FAM20A: variants seen among roughly 807,000 people sequenced by gnomAD.
FAM20A encodes FAM20A golgi associated secretory pathway pseudokinase, also known as pseudokinase FAM20A.
A neutral mutation model predicts 52.0 loss-of-function variants in FAM20A; 42 were observed. The ratio of observed to expected loss-of-function variants is 0.81; its 90% CI spans 0.63 to 1.04. FAM20A has a LOEUF of 1.04. Ranked by LOEUF, FAM20A falls within the 50% of genes least tolerant of loss-of-function variation. The probability of loss-of-function intolerance (pLI) is 0.00; values close to 1 mark genes in which losing one functional copy is unlikely to be tolerated. For missense variants in FAM20A, 742 were observed against 712.7 expected, an observed-to-expected ratio of 1.04 and a Z score of -0.47; for synonymous variants, 304 against 298.9, an observed-to-expected ratio of 1.02 and a Z score of -0.18.
intron 4 of FAM20A, among the ~76,000 whole-genome samples, chr17:68,547,345 A>G (rs1281302467): frequency 6.6e-6 from 1 of 152,164 alleles, no homozygotes; most frequent in Non-Finnish European, 1.5e-5. Flanking sequence ...ATATGTATAC[A>G]TGTGTGTTCT....
chr17:68,596,742 G>A (rs1384061996), intron 1 of FAM20A, among the ~76,000 whole-genome samples: 1 of 152,216 alleles, frequency 6.6e-6, no homozygotes, highest in Non-Finnish European at 1.5e-5. Flanking sequence ...TGCCAAATGT[G>A]TCATCATGCT....
At chr17:68,540,006 A>C (rs1278525961) in intron 8 of FAM20A, 40 bp from the exon 9 acceptor site, 2 of 1,575,338 alleles carry the variant, frequency 1.3e-6, no homozygotes, top group African/African-American at 2.7e-5. Flanking sequence ...CCAGCAGGCC[A>C]GGGGGACAGG....
Position 68,539,968 on chromosome 17 carries a change from T to C in FAM20A, c.1220-2A>G, listed in dbSNP as rs1479219124. On this transcript the variant is annotated splice_acceptor_variant, in intron 8 of 10. Coordinates refer to ENST00000592554, the MANE Select transcript of FAM20A (RefSeq NM_017565.4). LOFTEE classifies it high-confidence loss of function. Reference sequence around the variant, plus strand: ...CATAATGGTGCCGGTCCATATTCCCTGTGAAGGAGGGGAGGACTTAGCTGG... The same window carrying C: ...CATAATGGTGCCGGTCCATATTCCCCGTGAAGGAGGGGAGGACTTAGCTGG... The C allele has an allele frequency of 6.2e-7, 1 of 1,613,890 alleles. No individual in the cohort carries two copies. The highest frequency in any genetic ancestry group is 1.7e-5 in the Admixed American group (1 of 59,988).
rs996850912 is a variant in FAM20A, at chr17:68,600,900, G to A, written c.-234C>T. The A allele has an allele frequency of 3.0e-5, 15 of 495,004 alleles. No individual in the cohort carries two copies. Among genetic ancestry groups the A allele is most frequent in the Non-Finnish European group, 5.3e-5 (15 of 285,712 alleles). The allele number at this position is 495,004 out of a possible 1,614,324, so 30.7% of individuals were successfully genotyped here. On this transcript the variant is annotated 5_prime_UTR_variant, in exon 1 of 11. Transcript: ENST00000592554. This position sits in a 1 kb window ranked among gnomAD's most constrained non-coding sequence, Gnocchi z 6.2. ...CGGAGTCAGCGGGCGTCGCTTCTCC[G>A]CGCCGAGTGAGCCGAGGGAATGGGG...
intron 3 of FAM20A, among the ~76,000 whole-genome samples, chr17:68,553,592 T>G (rs1426482430): frequency 6.6e-6 from 1 of 152,114 alleles, no homozygotes; most frequent in Non-Finnish European, 1.5e-5. Flanking sequence ...AGCTTTTTGA[T>G]GCCATTAATC....
At chr17:68,585,831 C>G (rs2088151998) in intron 1 of FAM20A, among the ~76,000 whole-genome samples, 1 of 152,192 alleles carries the variant, frequency 6.6e-6, no homozygotes, top group Non-Finnish European at 1.5e-5. Context: ...GAGAGACTCA[C>G]TGAGAGCCAT....
Position 68,537,970 on chromosome 17 carries a change from C to T in FAM20A, c.1362-229G>A, listed in dbSNP as rs2086144266. 6.6e-6 allele frequency among the ~76,000 whole-genome samples: 1 copy of T among 152,156 alleles called. No homozygotes were observed. Among genetic ancestry groups the T allele is most frequent in the Admixed American group, 6.5e-5 (1 of 15,268 alleles). On this transcript the variant is annotated intron_variant, in intron 10 of 10. Coordinates refer to ENST00000592554, the MANE Select transcript of FAM20A (RefSeq NM_017565.4). The surrounding 1 kb of genome is among the most constrained non-coding windows in gnomAD (Gnocchi z 4.2). ...CGATTTGGTCAAGAGCCTGCATAGC[C>T]ATTTGTGCTCTAATAATGGTGATGC...
chr17:68,572,903 A>C (rs201054874), intron 1 of FAM20A, among the ~76,000 whole-genome samples: 1 of 152,102 alleles, frequency 6.6e-6, no homozygotes, highest in East Asian at 1.9e-4. Context: ...GTCCAAACAA[A>C]GCTCTGAGGC....
intron 1 of FAM20A, among the ~76,000 whole-genome samples, chr17:68,584,952 G>A (rs1014642554): frequency 6.6e-6 from 1 of 152,178 alleles, no homozygotes; most frequent in Non-Finnish European, 1.5e-5. Flanking sequence ...GGTGAGTTAC[G>A]CTGATAAAGT....
chr17:68,543,514 A>G, intron 5 of FAM20A, 115 bp downstream of exon 5: 2 of 894,714 alleles, frequency 2.2e-6, no homozygotes, highest in Non-Finnish European at 3.7e-6. Context: ...CGAAGAAGAT[A>G]GAAAGCCAGA....
chr17:68,593,309 G>T (rs1389978196), intron 1 of FAM20A, among the ~76,000 whole-genome samples: 1 of 152,158 alleles, frequency 6.6e-6, no homozygotes, highest in Non-Finnish European at 1.5e-5. Flanking sequence ...CCTGCCAAGG[G>T]GGCAGAGCAG....
chr17:68,537,632 T>C lies in FAM20A; in HGVS notation c.1471A>G (p.Thr491Ala), dbSNP rs1446298572. Reference sequence around the variant, plus strand: ...TCCAGGGCAAGGAGGTGGGGTTCAGTGAGGACAGGGCTGAGCTGGTCTTCC... The same window carrying C: ...TCCAGGGCAAGGAGGTGGGGTTCAGCGAGGACAGGGCTGAGCTGGTCTTCC... ...LLEDQLSPVLTEPHLLALDRR... is the reference protein window; with the variant it reads ...LLEDQLSPVLAEPHLLALDRR... The change falls in exon 11 of 11, where the codon ACT becomes GCT. Residue 491 changes from threonine to alanine, a missense_variant. By Grantham distance (58) the Thr-to-Ala change is moderately conservative (BLOSUM62 0). Transcript: ENST00000592554. The surrounding 1 kb of genome is among the most constrained non-coding windows in gnomAD (Gnocchi z 4.2). 1.2e-6 allele frequency: 2 copies of C among 1,613,766 alleles called. No individual in the cohort carries two copies. The highest frequency in any genetic ancestry group is 1.1e-5 in the South Asian group (1 of 90,916).
At chr17:68,549,065 T>C (rs2086711822) in intron 4 of FAM20A, among the ~76,000 whole-genome samples, 1 of 152,152 alleles carries the variant, frequency 6.6e-6, no homozygotes, top group African/African-American at 2.4e-5. Flanking sequence ...CAGGCAGAGA[T>C]GTATTAGGCT....
In FAM20A at chr17:68,600,476, G is replaced by A; in HGVS notation, c.191C>T (p.Pro64Leu). 1 of 1,605,500 alleles carries A rather than the reference G, an allele frequency of 6.2e-7. No individual in the cohort carries two copies. The highest frequency in any genetic ancestry group is 8.5e-7 in the Non-Finnish European group (1 of 1,176,360). Residue 64 changes from proline to leucine, a missense_variant, in exon 1 of 11, where the codon CCC becomes CTC. Physicochemically the swap from Pro to Leu is moderately conservative, Grantham distance 98. Transcript: ENST00000592554. The surrounding 1 kb of genome is among the most constrained non-coding windows in gnomAD (Gnocchi z 6.2). Reference protein sequence around the residue: ...ARDSAAAASDPGTIVHNFSRT... With the variant: ...ARDSAAAASDLGTIVHNFSRT... Reference sequence around the variant, plus strand: ...GGAAAAGTTGTGCACGATCGTGCCGGGGTCCGAGGCAGCTGCGGCCGAGTC... The same window carrying A: ...GGAAAAGTTGTGCACGATCGTGCCGAGGTCCGAGGCAGCTGCGGCCGAGTC...
chr17:68,569,114 G>C (rs2143787583), intron 1 of FAM20A, among the ~76,000 whole-genome samples: 1 of 151,988 alleles, frequency 6.6e-6, no homozygotes, highest in Non-Finnish European at 1.5e-5. Context: ...GCCTTGCTTT[G>C]GATGAGATTG....
rs536069780 is a variant in FAM20A at position 68,535,670 on chromosome 17, T to A, written c.*1807A>T. 197 of 271,308 alleles carry A rather than the reference T, an allele frequency of 7.3e-4. No homozygotes were observed. The highest frequency in any genetic ancestry group is 3.1e-3 in the African/African-American group (135 of 43,324). 16.8% of individuals were successfully genotyped at this position (271,308 alleles called of 1,614,324 possible). ...GTTAAAGAGTTGATTTAAAAAAAAA[T>A]TTTTTTTTTTTTGTATTTTTTTGTA... On this transcript the variant is annotated 3_prime_UTR_variant, in exon 11 of 11. Coordinates refer to ENST00000592554, the MANE Select transcript of FAM20A (RefSeq NM_017565.4).
intron 1 of FAM20A, among the ~76,000 whole-genome samples, chr17:68,591,489 G>A (rs1203071798): frequency 1.3e-5 from 2 of 152,218 alleles, no homozygotes; most frequent in Non-Finnish European, 2.9e-5. Flanking sequence ...TCTTCCTACA[G>A]TGAGTTTGAA....
chr17:68,574,748 T>C (rs778016258), intron 1 of FAM20A, among the ~76,000 whole-genome samples: 3 of 152,150 alleles, frequency 2.0e-5, no homozygotes, highest in Non-Finnish European at 2.9e-5. Flanking sequence ...TATTTGGCAT[T>C]CCCTAGGATG....
Position 68,535,520 on chromosome 17 carries a change from C to A in FAM20A, c.*1957G>T, listed in dbSNP as rs549814417. On this transcript the variant is annotated 3_prime_UTR_variant, in exon 11 of 11. Coordinates refer to ENST00000592554, the MANE Select transcript of FAM20A (RefSeq NM_017565.4). The stretch of plus-strand genomic sequence containing the variant: ...ATATTTTCCCATTTCTGTGTGTGAT[C>A]TCCTGGTTCTTCATCCACAGGGAAG... The A allele has an allele frequency of 2.2e-5, 10 of 453,978 alleles. No homozygotes were observed. The highest frequency in any genetic ancestry group is 4.4e-5 in the Non-Finnish European group (10 of 226,780). 28.1% of individuals were successfully genotyped at this position (453,978 alleles called of 1,614,324 possible). A position where few individuals can be genotyped will look rare whatever the true frequency, so the allele number is the denominator to read the frequency against.
Sources: allele counts gnomAD v4.1 joint callset (sites outside exome capture counted in the v4.1 genomes callset), GRCh38; gene constraint gnomAD v4.1.1; non-coding constraint Gnocchi (gnomAD v3.1); transcripts MANE v1.5; gene names NCBI Gene and HGNC (gene_info 2026-07-23, HGNC 2026-07-21).